The following PRR14L variants were observed in gnomAD, a reference collection of about 807,000 sequenced individuals.
The protein encoded by PRR14L is proline rich 14 like, also known as protein PRR14L.
Under a neutral mutation model 155.0 loss-of-function variants are expected in PRR14L, and 80 were observed. That is an observed-to-expected ratio of 0.52 (90% confidence interval 0.43 to 0.62). PRR14L has a LOEUF of 0.62. Ranked by LOEUF, PRR14L falls within the 20% of genes least tolerant of loss-of-function variation. The pLI, the probability that PRR14L is intolerant of heterozygous loss-of-function variation, is 0.00. For missense variants in PRR14L, 2,469 were observed against 2,548.0 expected (o/e 0.97, Z 0.67); for synonymous variants, 883 against 916.0 (o/e 0.96, Z 0.65).
intron 1 of PRR14L, among the ~76,000 whole-genome samples, chr22:31,742,320 T>C (rs2147877956): frequency 6.6e-6 from 1 of 152,096 alleles, no homozygotes; most frequent in South Asian, 2.1e-4. Context: ...CTTGATAACG[T>C]CATCTTTTTC....
At chr22:31,724,123 T>C (rs2074704970) in intron 3 of PRR14L, among the ~76,000 whole-genome samples, 2 of 152,232 alleles carry the variant, frequency 1.3e-5, no homozygotes, top group Non-Finnish European at 2.9e-5. Context: ...TGCCTGATGA[T>C]CTGTCACTGT....
At chr22:31,729,106 T>C (rs1442901500) in intron 2 of PRR14L, among the ~76,000 whole-genome samples, 2 of 152,240 alleles carry the variant, frequency 1.3e-5, no homozygotes, top group East Asian at 3.8e-4. Flanking sequence ...TCTTTCACAA[T>C]TCAGCTTGGC....
chr22:31,731,399 C>T (rs1369908446), intron 2 of PRR14L, among the ~76,000 whole-genome samples: 3 of 151,634 alleles, frequency 2.0e-5, no homozygotes, highest in Admixed American at 6.6e-5. Context: ...CCCGTCTCTA[C>T]TAAAAATACA....
chr22:31,685,854 T>C, intron 8 of PRR14L, 51 bp from the exon 9 acceptor site: 17 of 1,515,268 alleles, frequency 1.1e-5, no homozygotes, highest in Non-Finnish European at 1.5e-5. Context: ...ACATGGCCCA[T>C]CCTGTCAACA....
chr22:31,735,485 T>C (rs1369864722), intron 2 of PRR14L, among the ~76,000 whole-genome samples: 1 of 151,608 alleles, frequency 6.6e-6, no homozygotes, highest in Non-Finnish European at 1.5e-5. Flanking sequence ...AGTTCTTAGG[T>C]TGATTGTTAT....
rs1353397077 is a variant in PRR14L, at chr22:31,713,635, C to T, written c.4204G>A (p.Glu1402Lys). 3.2e-6 allele frequency: 5 copies of T among 1,551,948 alleles called. No homozygotes were observed. The East Asian group carries it at 9.8e-5, about 30-fold the overall frequency. Residue 1402 changes from glutamate to lysine, a missense_variant, in exon 4 of 9, where the codon GAA (glutamate) becomes AAA (lysine). Glu to Lys is a moderately conservative substitution (Grantham distance 56). Transcript: ENST00000327423. ...TTTTGTTGACGTATATATTTCTCTT[C>T]TTTCTGCAACATGTAGTCCAAAACC... Reference protein sequence around the residue: ...PEVLDYMLQKEEKYIRQQKAH... With the variant: ...PEVLDYMLQKKEKYIRQQKAH...
chr22:31,717,353 C>T lies in PRR14L; in HGVS notation c.548-62G>A, dbSNP rs2074666188. 7 of 1,320,868 alleles carry T rather than the reference C, an allele frequency of 5.3e-6. No individual in the cohort carries two copies. In the East Asian group the frequency reaches 1.5e-4, roughly 29 times the overall value. The allele number at this position is 1,320,868 out of a possible 1,614,324, so 81.8% of individuals were successfully genotyped here. On this transcript the variant is annotated intron_variant, in intron 3 of 8. Coordinates refer to ENST00000327423, the MANE Select transcript of PRR14L (RefSeq NM_173566.3). ...AATAAAAAATCACTTGGTCTACCTT[C>T]ATGCATTTTATTATGCTATGCTACC... is the stretch of plus-strand genomic sequence containing the variant.
intron 4 of PRR14L, among the ~76,000 whole-genome samples, chr22:31,708,589 A>C (rs2147860582): frequency 6.6e-6 from 1 of 151,868 alleles, no homozygotes; most frequent in Non-Finnish European, 1.5e-5. Context: ...GGCCTCCCAA[A>C]GCGCTGGGAA....
chr22:31,717,086 G>A lies in PRR14L; in HGVS notation c.753C>T (p.Thr251=), dbSNP rs765830904. The A allele has an allele frequency of 3.2e-6, 5 of 1,551,834 alleles. No homozygotes were observed. Among genetic ancestry groups the A allele is most frequent in the African/African-American group, 2.7e-5 (2 of 73,028 alleles). The part of the protein sequence containing the change: ...DEVSETSTLV[T]PEPLTFVDPV... ...GGTCCACAAAGGTTAAAGGTTCTGG[G>A]GTAACTAATGTGCTGGTTTCTGAAA... is the stretch of plus-strand genomic sequence containing the variant. Residue 251 remains threonine (T), a synonymous_variant, in exon 4 of 9, where the codon ACC becomes ACT. Coordinates refer to ENST00000327423, the MANE Select transcript of PRR14L (RefSeq NM_173566.3).
chr22:31,704,681 T>C lies in PRR14L; in HGVS notation c.5802A>G (p.Thr1934=), dbSNP rs1021580072. The change falls in exon 5 of 9, where the codon ACA becomes ACG. Residue 1934 remains threonine, a synonymous_variant. Coordinates refer to ENST00000327423, the MANE Select transcript of PRR14L (RefSeq NM_173566.3). ...TCGTCTGACTGCCGCTGGTGTTATA[T>C]GTAGCTTCCATGCCTGGAAGAGGCA... The part of the protein sequence containing the change: ...PYVPLPGMEA[T]YNTSGSQTRL... The C allele has an allele frequency of 1.2e-6, 2 of 1,613,908 alleles. No homozygotes were observed. The highest frequency in any genetic ancestry group is 1.7e-6 in the Non-Finnish European group (2 of 1,179,962).
chr22:31,728,560 C>T (rs190232611), intron 2 of PRR14L, among the ~76,000 whole-genome samples: 2,233 of 149,118 alleles, frequency 0.015, 56 homozygotes, highest in African/African-American at 0.053. Flanking sequence ...TTGCAGTGAG[C>T]GGAGATCGCG....
In PRR14L at chr22:31,714,434, G is replaced by A. The variant is rs981799492; in HGVS notation, c.3405C>T (p.Asn1135=). ...CACAGTCTTTTAAAGATCTGCATAC[G>A]TTTTCTTCACATGATTTTTTTATTT... is the stretch of plus-strand genomic sequence containing the variant. ...FLKIKKSCEE[N]VCRSLKDCEM... is the part of the protein sequence containing the mutation. Residue 1135 remains asparagine (N), a synonymous_variant, in exon 4 of 9, where the codon AAC becomes AAT. Transcript: ENST00000327423. The A allele has an allele frequency of 1.7e-5, 27 of 1,551,436 alleles. No homozygotes were observed. The highest frequency in any genetic ancestry group is 1.7e-4 in the Middle Eastern group (1 of 6,014).
In PRR14L at chr22:31,715,877, T is replaced by C. The variant is rs748603733; in HGVS notation, c.1962A>G (p.Gln654=). The stretch of plus-strand genomic sequence containing the variant: ...GTTCTTGAGAATTAAGGGACACTTG[T>C]TGATTTAAAACACATTCACTTTCTA... ...NKVESECVLN[Q]QVSLNSQEHA... Residue 654 remains glutamine, a synonymous_variant, in exon 4 of 9, where the codon CAA becomes CAG. Transcript: ENST00000327423. The C allele has an allele frequency of 1.9e-6, 3 of 1,551,658 alleles. No individual in the cohort carries two copies. The highest frequency in any genetic ancestry group is 2.4e-5 in the East Asian group (1 of 40,928).
chr22:31,709,923 G>A (rs760424098), intron 4 of PRR14L, among the ~76,000 whole-genome samples: 10 of 151,874 alleles, frequency 6.6e-5, no homozygotes, highest in Non-Finnish European at 1.2e-4. Context: ...ATGAGCCACC[G>A]TAGCCAGCCT....
intron 2 of PRR14L, among the ~76,000 whole-genome samples, chr22:31,735,492 T>C (rs547034174): frequency 9.2e-5 from 14 of 151,878 alleles, no homozygotes; most frequent in Non-Finnish European, 1.9e-4. Context: ...AGGTTGATTG[T>C]TATGTAAGCA....
At chr22:31,700,660 G>A (rs1052036609) in intron 7 of PRR14L, among the ~76,000 whole-genome samples, 6 of 152,080 alleles carry the variant, frequency 3.9e-5, no homozygotes, top group African/African-American at 1.2e-4. Context: ...GGGTTCAAGC[G>A]ATTCTCCTGC....
At chr22:31,730,126 T>C (rs2074739882) in intron 2 of PRR14L, among the ~76,000 whole-genome samples, 1 of 143,800 alleles carries the variant, frequency 7.0e-6, no homozygotes, top group African/African-American at 2.6e-5. Context: ...GAGAACAGAA[T>C]GAGACTCAGT....
chr22:31,715,003 G>A lies in PRR14L; in HGVS notation c.2836C>T (p.Pro946Ser). Residue 946 changes from proline to serine, a missense_variant, in exon 4 of 9, where the codon CCT becomes TCT. Pro to Ser is a moderately conservative substitution (Grantham distance 74). Coordinates refer to ENST00000327423, the MANE Select transcript of PRR14L (RefSeq NM_173566.3). ...PGPEKVLDQS[P>S]TVMFSSFKNV... ...TTAAAACTGGAGAACATAACAGTAGGAGACTGGTCCAACACTTTTTCAGGA... is the reference window on the plus strand; with the variant it reads ...TTAAAACTGGAGAACATAACAGTAGAAGACTGGTCCAACACTTTTTCAGGA... 1 of 1,552,128 alleles carries A rather than the reference G, an allele frequency of 6.4e-7. No homozygotes were observed. The highest frequency in any genetic ancestry group is 8.7e-7 in the Non-Finnish European group (1 of 1,147,066).
At chr22:31,722,614 C>T (rs1055909523) in intron 3 of PRR14L, among the ~76,000 whole-genome samples, 3 of 150,768 alleles carry the variant, frequency 2.0e-5, no homozygotes, top group South Asian at 2.1e-4. Flanking sequence ...GCTCCACCTC[C>T]GGGGTTCACA....
Sources: allele counts gnomAD v4.1 joint callset (sites outside exome capture counted in the v4.1 genomes callset), GRCh38; gene constraint gnomAD v4.1.1; transcripts MANE v1.5; gene names NCBI Gene and HGNC (gene_info 2026-07-23, HGNC 2026-07-21).